IGHMBP2: variants seen among roughly 807,000 people sequenced by gnomAD.
IGHMBP2 encodes the protein immunoglobulin mu DNA binding protein 2.
Under a neutral mutation model 96.0 loss-of-function variants are expected in IGHMBP2, and 81 were observed. That is an observed-to-expected ratio of 0.84 (90% confidence interval 0.71 to 1.01). IGHMBP2 has a LOEUF of 1.01. IGHMBP2 is among the 50% of genes least tolerant of loss of function. IGHMBP2 has a pLI of 0.00. For synonymous variants in IGHMBP2, 557 were observed against 548.9 expected, an observed-to-expected ratio of 1.01 and a Z score of -0.21; for missense variants, 1,227 against 1,306.3, an observed-to-expected ratio of 0.94 and a Z score of 0.94.
chr11:68,933,476 C>T lies in IGHMBP2; in HGVS notation c.1413C>T (p.Leu471=). Residue 471 remains leucine, a synonymous_variant, in exon 9 of 15, where the codon CTC becomes CTT. Transcript: ENST00000255078. ...CCCACTCTTCCGTGGCAAGGCACCT[C>T]CTGAGGTGAGTAGCTCGGCACCACC... ...LTAHSSVARH[L]LRDLPGVAAT... The T allele has an allele frequency of 6.2e-7, 1 of 1,612,036 alleles. No homozygotes were observed. The highest frequency in any genetic ancestry group is 8.5e-7 in the Non-Finnish European group (1 of 1,179,474).
chr11:68,913,426 C>T (rs1858523522), intron 5 of IGHMBP2, among the ~76,000 whole-genome samples: 1 of 151,878 alleles, frequency 6.6e-6, no homozygotes, highest in Non-Finnish European at 1.5e-5. Flanking sequence ...TCCTGAGCTG[C>T]TGTTTGTTTT....
intron 11 of IGHMBP2, 44 bp downstream of exon 11, chr11:68,934,602 C>G: frequency 7.1e-7 from 1 of 1,403,372 alleles, no homozygotes. Context: ...AGCTGGGGCT[C>G]ACACAACCTA....
At chr11:68,934,039 A>T in intron 10 of IGHMBP2, 126 bp downstream of exon 10, 1 of 750,064 alleles carries the variant, frequency 1.3e-6, no homozygotes, top group Non-Finnish European at 2.4e-6. Flanking sequence ...CCGTGAAAAA[A>T]CGGAGCCCCA....
chr11:68,908,907 C>T (rs1300215491), intron 4 of IGHMBP2, among the ~76,000 whole-genome samples: 1 of 148,922 alleles, frequency 6.7e-6, no homozygotes, highest in Non-Finnish European at 1.5e-5. Context: ...GTGGCGCGAT[C>T]TCAGCTCATT....
intron 8 of IGHMBP2, 69 bp from the exon 9 acceptor site, chr11:68,933,230 C>T: frequency 6.7e-7 from 1 of 1,485,732 alleles, no homozygotes; most frequent in Non-Finnish European, 9.2e-7. Flanking sequence ...GTCCTCCTCA[C>T]TTGCTGTGGT....
chr11:68,907,979 G>A lies in IGHMBP2; in HGVS notation c.257-166G>A, dbSNP rs190331541. On this transcript the variant is annotated intron_variant, in intron 2 of 14. Coordinates refer to ENST00000255078, the MANE Select transcript of IGHMBP2 (RefSeq NM_002180.3). ...ACTGGGATTACAGGCGTGAGCCACC[G>A]TGCCCGGCCTAACTTACTTTCTTTT... is the stretch of plus-strand genomic sequence containing the variant. Among the ~76,000 whole-genome samples the A allele has an allele frequency of 1.5e-4, 22 of 148,206 alleles. No homozygotes were observed. In the East Asian group the frequency reaches 3.5e-3, roughly 24 times the overall value.
In IGHMBP2 at chr11:68,922,839, T is replaced by C. The variant is rs1285315704; in HGVS notation, c.1060+4956T>C. ...ATCTTGCACAGCTGAACCTTTATAC[T>C]TGCTTATTGCTGAGTTCACTAATTT... On this transcript the variant is annotated intron_variant, in intron 7 of 14. Transcript: ENST00000255078. Among the ~76,000 whole-genome samples the C allele has an allele frequency of 3.9e-5, 6 of 152,256 alleles. 1 individual carries two copies. The highest frequency in any genetic ancestry group is 1.5e-5 in the Non-Finnish European group (1 of 68,044).
At chr11:68,919,428 C>T (rs952257863) in intron 7 of IGHMBP2, among the ~76,000 whole-genome samples, 3 of 152,246 alleles carry the variant, frequency 2.0e-5, no homozygotes, top group Non-Finnish European at 4.4e-5. Context: ...TGCCACTGCA[C>T]CTGGCTTACT....
At chr11:68,929,647 C>T (rs1218884299) in intron 8 of IGHMBP2, 1 of 735,240 alleles carries the variant, frequency 1.4e-6, no homozygotes, top group Non-Finnish European at 1.7e-6. Context: ...TGAATATCCC[C>T]TCATGAACCA....
intron 9 of IGHMBP2, 108 bp from the exon 10 acceptor site, chr11:68,933,687 C>A: frequency 9.6e-7 from 1 of 1,036,348 alleles, no homozygotes; most frequent in Non-Finnish European, 1.5e-6. Context: ...TGCTCATTGT[C>A]CTCCCCTACC....
chr11:68,915,722 G>A (rs911108722), intron 6 of IGHMBP2, among the ~76,000 whole-genome samples: 2 of 151,512 alleles, frequency 1.3e-5, no homozygotes, highest in Admixed American at 6.6e-5. Flanking sequence ...AACCTCAAGT[G>A]ATCCACCCGC....
At chr11:68,918,974 CT>C (rs1173645326) in intron 7 of IGHMBP2, among the ~76,000 whole-genome samples, 4 of 152,112 alleles carry the variant, frequency 2.6e-5, no homozygotes, top group African/African-American at 9.7e-5. Context: ...TGAGACCTTT[CT>C]TTTTTTCTGA....
chr11:68,922,187 G>A (rs191454391), intron 7 of IGHMBP2, among the ~76,000 whole-genome samples: 1 of 151,916 alleles, frequency 6.6e-6, no homozygotes, highest in African/African-American at 2.4e-5. Context: ...GTGTGGTGGT[G>A]GGCACCTGTA....
At chr11:68,909,420 TCTA>T (rs909518071) in intron 4 of IGHMBP2, among the ~76,000 whole-genome samples, 4 of 152,120 alleles carry the variant, frequency 2.6e-5, no homozygotes, top group African/African-American at 9.7e-5. Context: ...TCTCAAGTGA[TCTA>T]CTCACCTCAG....
chr11:68,907,280 A>C (rs1373057473), intron 2 of IGHMBP2, among the ~76,000 whole-genome samples: 2 of 152,112 alleles, frequency 1.3e-5, no homozygotes, highest in African/African-American at 2.4e-5. Context: ...AAAACAAAAG[A>C]AAAACTACAT....
At chr11:68,915,049 T>TGG in intron 6 of IGHMBP2, 26 bp downstream of exon 6, 1 of 1,588,024 alleles carries the variant, frequency 6.3e-7, no homozygotes, top group Non-Finnish European at 8.6e-7. Flanking sequence ...AGTGTCCATG[T>TGG]GGGGCGTGGG....
chr11:68,915,166 C>CTTGTTTTTTTTTTTTTTTT (rs1858605590), intron 6 of IGHMBP2, 143 bp downstream of exon 6: 1 of 176,576 alleles, frequency 5.7e-6, no homozygotes, highest in Non-Finnish European at 9.5e-6. Context: ...TTGGGCTGCC[C>CTTGTTTTTTTTTTTTTTTT]TTTTTTTTTT....
At chr11:68,913,009 T>TCCA (rs1450596405) in intron 5 of IGHMBP2, among the ~76,000 whole-genome samples, 9 of 114,388 alleles carry the variant, frequency 7.9e-5, no homozygotes, top group African/African-American at 3.1e-4. Context: ...ACCATTGCAC[T>TCCA]CCAGCCTGGG....
chr11:68,911,228 T>G (rs1289874753), intron 4 of IGHMBP2, among the ~76,000 whole-genome samples: 1 of 152,186 alleles, frequency 6.6e-6, no homozygotes, highest in Non-Finnish European at 1.5e-5. Context: ...GGCAGCTGAC[T>G]GGATGTGGCC....
Sources: gnomAD v4.1 joint callset for allele counts (sites outside exome capture counted in the v4.1 genomes callset) on GRCh38, gnomAD v4.1.1 for gene constraint, MANE v1.5 for transcripts, NCBI Gene and HGNC (gene_info 2026-07-23, HGNC 2026-07-21) for gene names.